ROBO1: variants seen among roughly 807,000 people sequenced by gnomAD.
The protein encoded by ROBO1 is roundabout guidance receptor 1.
In ROBO1, 149 loss-of-function variants were observed where a neutral mutation model predicts 195.9. The ratio of observed to expected loss-of-function variants is 0.76; its 90% CI spans 0.67 to 0.87. The LOEUF (loss-of-function observed/expected upper bound fraction) is 0.87, where lower values mean the gene tolerates loss of function less well. Among genes scored for constraint, ROBO1 ranks in the 40% least tolerant of loss-of-function variants. ROBO1 has a pLI of 0.00. For missense variants in ROBO1, 1,933 were observed against 2,068.3 expected (o/e 0.93, Z 1.27); for synonymous variants, 816 against 733.2 (o/e 1.11, Z -1.82).
At chr3:79,587,629 T>C (rs563497618) in intron 2 of ROBO1, among the ~76,000 whole-genome samples, 1 of 151,790 alleles carries the variant, frequency 6.6e-6, no homozygotes, top group Non-Finnish European at 1.5e-5. Flanking sequence ...TTATGTTTTT[T>C]TTAAAAGACA....
intron 2 of ROBO1, among the ~76,000 whole-genome samples, chr3:79,356,519 C>A (rs1014761513): frequency 7.2e-5 from 11 of 152,216 alleles, no homozygotes; most frequent in African/African-American, 2.6e-4. Context: ...ATGTAAGATG[C>A]TTTGATTACA....
At chr3:79,098,207 T>C (rs996224490) in intron 3 of ROBO1, among the ~76,000 whole-genome samples, 1 of 151,868 alleles carries the variant, frequency 6.6e-6, no homozygotes, top group African/African-American at 2.4e-5. Context: ...ACTGTTATCA[T>C]TGTGGACAGA....
intron 2 of ROBO1, among the ~76,000 whole-genome samples, chr3:79,448,899 T>C (rs2039355599): frequency 6.6e-6 from 1 of 152,148 alleles, no homozygotes; most frequent in African/African-American, 2.4e-5. Context: ...CATATTTGTA[T>C]CCAAGCCTTT....
At chr3:78,773,796 C>G (rs2083437965) in intron 4 of ROBO1, among the ~76,000 whole-genome samples, 1 of 152,102 alleles carries the variant, frequency 6.6e-6, no homozygotes, top group Non-Finnish European at 1.5e-5. Flanking sequence ...AGTGGGTGCA[C>G]AAAAATGTTG....
chr3:78,939,406 A>T (rs1021452237), intron 3 of ROBO1, among the ~76,000 whole-genome samples: 1 of 151,490 alleles, frequency 6.6e-6, no homozygotes, highest in East Asian at 1.9e-4. Context: ...CGAGGTCAGG[A>T]GATCAAGACC....
intron 3 of ROBO1, among the ~76,000 whole-genome samples, chr3:78,984,097 G>A (rs1000551839): frequency 6.6e-6 from 1 of 152,086 alleles, no homozygotes; most frequent in African/African-American, 2.4e-5. Flanking sequence ...ACATTATCAA[G>A]GCTTTGTGCC....
intron 10 of ROBO1, among the ~76,000 whole-genome samples, chr3:78,683,400 T>C (rs1296633460): frequency 6.6e-6 from 1 of 152,096 alleles, no homozygotes; most frequent in Non-Finnish European, 1.5e-5. Flanking sequence ...GGTGTGTACA[T>C]GTGAAATTTT....
rs142871559 is a variant in ROBO1 at position 79,756,040 on chromosome 3, C to A, written c.-51+11712G>T. Among the ~76,000 whole-genome samples the A allele has an allele frequency of 2.3e-3, 351 of 152,316 alleles. 2 individuals carry two copies. Among genetic ancestry groups the A allele is most frequent in the African/African-American group, 7.9e-3 (330 of 41,568 alleles). ...CCTCACCAGCTCTCATATCCAGAAT[C>A]ACAATATTCACTGTTAAATATTTTA... On this transcript the variant is annotated intron_variant, in intron 1 of 30. Transcript: ENST00000464233.
At chr3:79,026,082 G>A (rs1050844839) in intron 3 of ROBO1, among the ~76,000 whole-genome samples, 3 of 152,020 alleles carry the variant, frequency 2.0e-5, no homozygotes, top group Admixed American at 2.0e-4. Context: ...TTACAAATAT[G>A]TTTTACATAT....
At chr3:79,552,696 T>C (rs1942567295) in intron 2 of ROBO1, among the ~76,000 whole-genome samples, 1 of 152,152 alleles carries the variant, frequency 6.6e-6, no homozygotes, top group Non-Finnish European at 1.5e-5. Context: ...TAGCCTGGCA[T>C]TGGCAGATAG....
At chr3:79,463,180 TG>T (rs1486169275) in intron 2 of ROBO1, among the ~76,000 whole-genome samples, 1 of 152,074 alleles carries the variant, frequency 6.6e-6, no homozygotes, top group African/African-American at 2.4e-5. Flanking sequence ...AAGACCATCC[TG>T]GCTAACACGG....
At chr3:79,494,246 A>G (rs1279678259) in intron 2 of ROBO1, among the ~76,000 whole-genome samples, 1 of 152,188 alleles carries the variant, frequency 6.6e-6, no homozygotes, top group African/African-American at 2.4e-5. Flanking sequence ...AATTTTAAAC[A>G]TTAATAATTC....
At chr3:78,904,229 T>C (rs550052134) in intron 4 of ROBO1, among the ~76,000 whole-genome samples, 5 of 152,196 alleles carry the variant, frequency 3.3e-5, no homozygotes, top group Admixed American at 1.3e-4. Flanking sequence ...TGTCTGTCTG[T>C]ATCATACCCA....
At chr3:79,615,102 C>T (rs549361096) in intron 1 of ROBO1, among the ~76,000 whole-genome samples, 1 of 152,182 alleles carries the variant, frequency 6.6e-6, no homozygotes, top group East Asian at 1.9e-4. Context: ...ATTATATCCT[C>T]CTCCCTTTGC....
At chr3:78,719,890 G>A (rs184271522) in intron 5 of ROBO1, among the ~76,000 whole-genome samples, 3 of 151,982 alleles carry the variant, frequency 2.0e-5, no homozygotes, top group African/African-American at 7.3e-5. Context: ...ATTCTTAAAG[G>A]TATACCCAAC....
chr3:79,436,175 T>C (rs1407434150), intron 2 of ROBO1, among the ~76,000 whole-genome samples: 1 of 152,206 alleles, frequency 6.6e-6, no homozygotes, highest in South Asian at 2.1e-4. Flanking sequence ...TTTAATAATA[T>C]GTGCTAATGA....
At chr3:79,048,294 C>T (rs1458915775) in intron 3 of ROBO1, among the ~76,000 whole-genome samples, 2 of 152,094 alleles carry the variant, frequency 1.3e-5, no homozygotes, top group African/African-American at 2.4e-5. Context: ...GGTTATTTTT[C>T]CTTATGCTTT....
At chr3:79,539,376 A>C (rs1183227826) in intron 2 of ROBO1, among the ~76,000 whole-genome samples, 2 of 152,140 alleles carry the variant, frequency 1.3e-5, no homozygotes, top group Non-Finnish European at 2.9e-5. Context: ...CACACACGTA[A>C]GTTGTTTTAC....
chr3:79,218,378 T>C (rs1445833873), intron 2 of ROBO1, among the ~76,000 whole-genome samples: 1 of 151,980 alleles, frequency 6.6e-6, no homozygotes, highest in African/African-American at 2.4e-5. Flanking sequence ...TATTTTCTTA[T>C]ACCCAGGCCA....
Sources: gnomAD v4.1 joint callset for allele counts (sites outside exome capture counted in the v4.1 genomes callset) on GRCh38, gnomAD v4.1.1 for gene constraint, MANE v1.5 for transcripts, NCBI Gene and HGNC (gene_info 2026-07-23, HGNC 2026-07-21) for gene names.